The following FARS2 variants were observed in gnomAD, a reference collection of about 807,000 sequenced individuals.
The protein encoded by FARS2 is phenylalanine--tRNA ligase, mitochondrial.
Under a neutral mutation model 46.4 loss-of-function variants are expected in FARS2, and 40 were observed. That is an observed-to-expected ratio of 0.86 (90% CI 0.67 to 1.12). FARS2 has a LOEUF of 1.12. Among genes scored for constraint, FARS2 ranks in the 50% most tolerant of loss-of-function variants. The probability of loss-of-function intolerance (pLI) is 0.00; values close to 1 mark genes in which losing one functional copy is unlikely to be tolerated. For missense variants in FARS2, 513 were observed against 567.9 expected (o/e 0.90, Z 0.98); for synonymous variants, 234 against 214.9 (o/e 1.09, Z -0.78).
intron 4 of FARS2, among the ~76,000 whole-genome samples, chr6:5,469,342 AT>A (rs1330508454): frequency 6.6e-6 from 1 of 152,190 alleles, no homozygotes; most frequent in African/African-American, 2.4e-5. Context: ...CCTGTCTCCC[AT>A]TGTGCGGAGC....
At chr6:5,658,345 A>G (rs1424476162) in intron 6 of FARS2, among the ~76,000 whole-genome samples, 1 of 152,122 alleles carries the variant, frequency 6.6e-6, no homozygotes, top group Non-Finnish European at 1.5e-5. Flanking sequence ...TTATTAAGTT[A>G]TTGTTATTAC....
At chr6:5,301,548 T>A (rs1768299855) in intron 1 of FARS2, among the ~76,000 whole-genome samples, 1 of 152,094 alleles carries the variant, frequency 6.6e-6, no homozygotes, top group African/African-American at 2.4e-5. Flanking sequence ...CCCATTCTTA[T>A]CTCCAACCCA....
intron 1 of FARS2, among the ~76,000 whole-genome samples, chr6:5,286,664 T>C (rs1023503580): frequency 6.6e-6 from 1 of 152,248 alleles, no homozygotes; most frequent in Non-Finnish European, 1.5e-5. Context: ...GTGTGTATTA[T>C]ATACATAATT....
intron 2 of FARS2, among the ~76,000 whole-genome samples, chr6:5,385,737 G>T (rs929157939): frequency 6.6e-6 from 1 of 152,048 alleles, no homozygotes; most frequent in African/African-American, 2.4e-5. Flanking sequence ...TGTTTCTATG[G>T]TAAGAAATGT....
chr6:5,691,463 G>A (rs9969083), intron 6 of FARS2, among the ~76,000 whole-genome samples: 1 of 151,974 alleles, frequency 6.6e-6, no homozygotes, highest in East Asian at 1.9e-4. Context: ...ACTCCAGACC[G>A]TGTTTGCCTG....
chr6:5,390,948 T>G (rs1760471248), intron 2 of FARS2, among the ~76,000 whole-genome samples: 1 of 152,232 alleles, frequency 6.6e-6, no homozygotes, highest in East Asian at 1.9e-4. Flanking sequence ...ATATGCTAAG[T>G]GCATTTTAAA....
intron 6 of FARS2, among the ~76,000 whole-genome samples, chr6:5,732,322 G>T (rs149967194): frequency 6.6e-6 from 1 of 152,238 alleles, no homozygotes; most frequent in African/African-American, 2.4e-5. Flanking sequence ...ATGGAGGGCA[G>T]TGACCCAGGT....
chr6:5,577,921 C>T (rs1773083879), intron 5 of FARS2, among the ~76,000 whole-genome samples: 1 of 152,130 alleles, frequency 6.6e-6, no homozygotes, highest in South Asian at 2.1e-4. Context: ...CCTGCCTTAG[C>T]CTCCCAAGTA....
intron 1 of FARS2, among the ~76,000 whole-genome samples, chr6:5,304,635 A>ATGTTTG (rs1304411111): frequency 3.3e-5 from 5 of 151,914 alleles, no homozygotes; most frequent in Non-Finnish European, 7.4e-5. Flanking sequence ...AGCTGTGTTT[A>ATGTTTG]TGTTTGTGTT....
At chr6:5,520,650 T>C (rs929386623) in intron 4 of FARS2, among the ~76,000 whole-genome samples, 3 of 152,212 alleles carry the variant, frequency 2.0e-5, no homozygotes, top group Non-Finnish European at 2.9e-5. Context: ...TTTTTGCCAA[T>C]GTTTTTCATT....
At chr6:5,667,339 GA>G (rs1307691667) in intron 6 of FARS2, among the ~76,000 whole-genome samples, 2 of 151,468 alleles carry the variant, frequency 1.3e-5, no homozygotes, top group Non-Finnish European at 3.0e-5. Context: ...CCAATATGGA[GA>G]AACCCCATCG....
intron 5 of FARS2, among the ~76,000 whole-genome samples, chr6:5,558,532 ATTAT>A (rs1561712275): frequency 6.6e-6 from 1 of 151,680 alleles, no homozygotes; most frequent in Non-Finnish European, 1.5e-5. Context: ...ATTTTATTTA[ATTAT>A]TTATTTGTTT....
chr6:5,509,983 T>A (rs1768336093), intron 4 of FARS2, among the ~76,000 whole-genome samples: 1 of 152,166 alleles, frequency 6.6e-6, no homozygotes, highest in Non-Finnish European at 1.5e-5. Context: ...TTAACTGTAA[T>A]TTTAGCTCTA....
At chr6:5,739,119 C>A (rs140501128) in intron 6 of FARS2, among the ~76,000 whole-genome samples, 2 of 152,140 alleles carry the variant, frequency 1.3e-5, no homozygotes, top group Admixed American at 1.3e-4. Flanking sequence ...CGGAGTCACA[C>A]TGAATGTGAC....
intron 1 of FARS2, among the ~76,000 whole-genome samples, chr6:5,308,805 A>G (rs1768899693): frequency 6.6e-6 from 1 of 152,228 alleles, no homozygotes; most frequent in Non-Finnish European, 1.5e-5. Context: ...TGGGTGATTT[A>G]TAAACAATGG....
intron 4 of FARS2, among the ~76,000 whole-genome samples, chr6:5,437,429 G>T (rs1469006835): frequency 6.6e-6 from 1 of 152,100 alleles, no homozygotes; most frequent in Admixed American, 6.5e-5. Flanking sequence ...TACTCTATCA[G>T]TTGCTCAGAA....
At chr6:5,305,576 G>T (rs1482290864) in intron 1 of FARS2, among the ~76,000 whole-genome samples, 1 of 152,164 alleles carries the variant, frequency 6.6e-6, no homozygotes, top group Non-Finnish European at 1.5e-5. Context: ...CATTGAATGA[G>T]ACCTCCTTGT....
rs568001756 is a variant in FARS2 at position 5,482,609 on chromosome 6, C to G, written c.904+51437C>G. ...AAGCTTCCTGGAAGTGAAGGACACCCTTATCCCCAGGGAGGTGAGAGTCTA... is the reference window on the plus strand; with the variant it reads ...AAGCTTCCTGGAAGTGAAGGACACCGTTATCCCCAGGGAGGTGAGAGTCTA... On this transcript the variant is annotated intron_variant, in intron 4 of 6. Coordinates refer to ENST00000274680, the MANE Select transcript of FARS2 (RefSeq NM_006567.5). 1.8e-4 allele frequency among the ~76,000 whole-genome samples: 28 copies of G among 152,236 alleles called. No individual in the cohort carries two copies. The South Asian group carries it at 5.8e-3, about 32-fold the overall frequency.
At chr6:5,620,063 G>T (rs535370743) in intron 6 of FARS2, among the ~76,000 whole-genome samples, 133 of 152,082 alleles carry the variant, frequency 8.7e-4, no homozygotes, top group African/African-American at 3.0e-3. Flanking sequence ...TCATCCCTTG[G>T]TCTTGGGGAG....
Sources: allele counts gnomAD v4.1 joint callset (sites outside exome capture counted in the v4.1 genomes callset), GRCh38; gene constraint gnomAD v4.1.1; transcripts MANE v1.5; gene names NCBI Gene and HGNC (gene_info 2026-07-23, HGNC 2026-07-21).